PTP4A3: variants seen among roughly 807,000 people sequenced by gnomAD.
PTP4A3 encodes the protein protein tyrosine phosphatase 4A3.
In PTP4A3, 9 loss-of-function variants were observed where a neutral mutation model predicts 15.2. The ratio of observed to expected loss-of-function variants is 0.59; its 90% CI spans 0.36 to 1.03. The LOEUF (loss-of-function observed/expected upper bound fraction) is 1.03. Among genes scored for constraint, PTP4A3 ranks in the 50% least tolerant of loss-of-function variants. The pLI is 0.02. For missense variants in PTP4A3, 234 were observed against 252.1 expected (o/e 0.93, Z 0.49); for synonymous variants, 95 against 102.0 (o/e 0.93, Z 0.41).
chr8:141,392,161 G>A (rs2129731075), intron 1 of PTP4A3, 77 bp downstream of exon 1: 1 of 147,950 alleles, frequency 6.8e-6, no homozygotes, highest in South Asian at 2.1e-4. Context: ...GTCCGCGCGC[G>A]AGCCCGCCGC....
In PTP4A3 at chr8:141,422,097, G is replaced by A; in HGVS notation, c.-144G>A. 1 of 714,586 alleles carries A rather than the reference G, an allele frequency of 1.4e-6. No individual in the cohort carries two copies. Among genetic ancestry groups the A allele is most frequent in the Non-Finnish European group, 2.4e-6 (1 of 422,098 alleles). 44.3% of individuals were successfully genotyped at this position (714,586 alleles called of 1,614,324 possible). On this transcript the variant is annotated 5_prime_UTR_variant, in exon 2 of 6. It adds an upstream start codon to the 5' untranslated region. Coordinates refer to ENST00000521578, the MANE Select transcript of PTP4A3 (RefSeq NM_032611.3). ...CACAATATTTGTGCGGGGTATGGGGGTGGGTTTTTAAATCTCGTTTCTCTT... is the reference window on the plus strand; with the variant it reads ...CACAATATTTGTGCGGGGTATGGGGATGGGTTTTTAAATCTCGTTTCTCTT...
intron 1 of PTP4A3, among the ~76,000 whole-genome samples, chr8:141,420,639 G>A (rs1197881924): frequency 6.6e-6 from 1 of 152,236 alleles, no homozygotes; most frequent in Non-Finnish European, 1.5e-5. Flanking sequence ...CCATTGGCGT[G>A]TTCTGTCCCC....
intron 1 of PTP4A3, among the ~76,000 whole-genome samples, chr8:141,402,430 C>G (rs1036053829): frequency 5.9e-4 from 90 of 152,316 alleles, no homozygotes; most frequent in Admixed American, 1.6e-3. Flanking sequence ...TGTGGCAGCC[C>G]CAGTGCCCAC....
At chr8:141,394,300 G>C (rs930355939) in intron 1 of PTP4A3, among the ~76,000 whole-genome samples, 1 of 152,168 alleles carries the variant, frequency 6.6e-6, no homozygotes, top group African/African-American at 2.4e-5. Context: ...CTGGCAGATA[G>C]TGGTGATTTT....
chr8:141,395,110 G>A (rs1418429680), intron 1 of PTP4A3, among the ~76,000 whole-genome samples: 1 of 152,212 alleles, frequency 6.6e-6, no homozygotes, highest in East Asian at 1.9e-4. Flanking sequence ...CTCTTTAGCC[G>A]AGCGGGATCA....
chr8:141,427,103 C>T (rs1168341456), intron 4 of PTP4A3, 34 bp downstream of exon 4: 1 of 1,585,572 alleles, frequency 6.3e-7, no homozygotes, highest in East Asian at 2.3e-5. Context: ...CTCGCCATGT[C>T]AGGTGGTTGG....
intron 1 of PTP4A3, among the ~76,000 whole-genome samples, chr8:141,407,853 C>T (rs1242460081): frequency 2.6e-5 from 4 of 152,220 alleles, no homozygotes; most frequent in Non-Finnish European, 5.9e-5. Context: ...AGGCGTGAGC[C>T]ACCGTGCCTG....
chr8:141,400,455 T>C (rs1586536471), intron 1 of PTP4A3, among the ~76,000 whole-genome samples: 1 of 152,364 alleles, frequency 6.6e-6, no homozygotes, highest in African/African-American at 2.4e-5. Flanking sequence ...TGTTTTACAG[T>C]GTCACTTGAA....
intron 1 of PTP4A3, among the ~76,000 whole-genome samples, chr8:141,402,869 G>A (rs962211404): frequency 3.3e-5 from 5 of 152,214 alleles, no homozygotes; most frequent in East Asian, 3.8e-4. Flanking sequence ...GGAAGTGAGC[G>A]TGAGAACCGG....
Position 141,425,103 on chromosome 8 carries a change from A to G in PTP4A3, c.161A>G (p.Asp54Gly), listed in dbSNP as rs765340391. 1.9e-5 allele frequency: 30 copies of G among 1,612,438 alleles called. No individual in the cohort carries two copies. The Admixed American group carries it at 4.3e-4, about 23-fold the overall frequency. The stretch of plus-strand genomic sequence containing the variant: ...GTGCGTGTGTGTGAAGTGACCTATG[A>G]CAAAACGCCGCTGGAGAAGGATGGC... ...TVVRVCEVTY[D>G]KTPLEKDGIT... Residue 54 changes from aspartate (D) to glycine (G), a missense_variant, in exon 3 of 6, where the codon GAC becomes GGC. Transcript: ENST00000521578. The surrounding 1 kb of genome is among the most constrained non-coding windows in gnomAD (Gnocchi z 4.2).
intron 1 of PTP4A3, among the ~76,000 whole-genome samples, chr8:141,408,383 C>T (rs1237175606): frequency 1.3e-5 from 2 of 152,234 alleles, no homozygotes; most frequent in African/African-American, 2.4e-5. Flanking sequence ...CTTTGGGAGG[C>T]CAAGGTGGGC....
chr8:141,414,905 A>C (rs62522500), intron 1 of PTP4A3, among the ~76,000 whole-genome samples: 12,979 of 150,104 alleles, frequency 0.086, 826 homozygotes, highest in African/African-American at 0.18. Context: ...GGGGCAAGTG[A>C]CCCGGGCCCT....
chr8:141,396,493 C>A (rs1335813380), intron 1 of PTP4A3, among the ~76,000 whole-genome samples: 1 of 152,152 alleles, frequency 6.6e-6, no homozygotes, highest in African/African-American at 2.4e-5. Context: ...CCGGGCAGCC[C>A]GTCCAGCATT....
chr8:141,427,540 C>T (rs1833634287), intron 4 of PTP4A3, among the ~76,000 whole-genome samples: 1 of 152,230 alleles, frequency 6.6e-6, no homozygotes, highest in Non-Finnish European at 1.5e-5. Flanking sequence ...CCTCCCCCAG[C>T]AGATCACAGA....
At chr8:141,414,496 T>G (rs1217120394) in intron 1 of PTP4A3, among the ~76,000 whole-genome samples, 1 of 151,230 alleles carries the variant, frequency 6.6e-6, no homozygotes, top group Non-Finnish European at 1.5e-5. Context: ...AGAGGGCACG[T>G]GGGAGCAGCA....
intron 5 of PTP4A3, among the ~76,000 whole-genome samples, chr8:141,429,666 A>ATGG (rs1554621538): frequency 2.5e-4 from 12 of 48,000 alleles, no homozygotes; most frequent in Admixed American, 8.2e-4. Context: ...CACACAGTCC[A>ATGG]GTCCCCGCTG....
rs560572404 is a variant in PTP4A3 at position 141,400,235 on chromosome 8, C to T, written c.-854+8151C>T. 8.6e-5 allele frequency among the ~76,000 whole-genome samples: 13 copies of T among 151,194 alleles called. No individual in the cohort carries two copies. The South Asian group carries it at 1.7e-3, about 20-fold the overall frequency. On this transcript the variant is annotated intron_variant, in intron 1 of 5. Coordinates refer to ENST00000521578, the MANE Select transcript of PTP4A3 (RefSeq NM_032611.3). ...TGCCTCTGCGCCTGGCCCACCTCTG[C>T]GCCTGGCCCGCCTCTGCACCTTGCC...
At chr8:141,413,253 G>A (rs986413645) in intron 1 of PTP4A3, among the ~76,000 whole-genome samples, 1 of 152,238 alleles carries the variant, frequency 6.6e-6, no homozygotes, top group African/African-American at 2.4e-5. Context: ...TCAGGGACTG[G>A]GGCGGGGAGA....
chr8:141,418,079 G>C (rs1348554224), intron 1 of PTP4A3, among the ~76,000 whole-genome samples: 1 of 152,170 alleles, frequency 6.6e-6, no homozygotes, highest in East Asian at 1.9e-4. Context: ...GCCCCGCCGG[G>C]GAGGAGGTGG....
Sources: gnomAD v4.1 joint callset for allele counts (sites outside exome capture counted in the v4.1 genomes callset) on GRCh38, gnomAD v4.1.1 for gene constraint, Gnocchi (gnomAD v3.1) non-coding constraint, MANE v1.5 for transcripts, NCBI Gene and HGNC (gene_info 2026-07-23, HGNC 2026-07-21) for gene names.